The following TUBGCP3 variants were observed in gnomAD, a reference collection of about 807,000 sequenced individuals.
The protein encoded by TUBGCP3 is gamma-tubulin complex component 3.
A neutral mutation model predicts 123.1 loss-of-function variants in TUBGCP3; 50 were observed. The observed-to-expected ratio is 0.41, with a 90% confidence interval of 0.32 to 0.51. The LOEUF is 0.51. Ranked by LOEUF, TUBGCP3 falls within the 20% of genes least tolerant of loss-of-function variation. The probability of loss-of-function intolerance (pLI) is 0.36; values close to 1 mark genes in which losing one functional copy is unlikely to be tolerated. For missense variants in TUBGCP3, 882 were observed against 1,127.0 expected (o/e 0.78, Z 3.11); for synonymous variants, 405 against 413.9 (o/e 0.98, Z 0.26).
chr13:112,556,152 T>C lies in TUBGCP3; in HGVS notation c.621A>G (p.Leu207=), dbSNP rs774657679. The change falls in exon 6 of 22, where the codon TTA becomes TTG. Residue 207 remains leucine (L), a synonymous_variant. Transcript: ENST00000261965. The stretch of plus-strand genomic sequence containing the variant: ...CTTGTGAAGAAGGCTGATTTGCAGT[T>C]AAAGTCCATGCGAGTCGTGACCCCA... ...QQLGSRLAWT[L]TANQPSSQAT... 4 of 1,613,976 alleles carry C rather than the reference T, an allele frequency of 2.5e-6. No homozygotes were observed. The African/African-American group carries it at 5.3e-5, about 22-fold the overall frequency.
chr13:112,550,249 T>A (rs949697887), intron 8 of TUBGCP3, among the ~76,000 whole-genome samples: 41 of 150,976 alleles, frequency 2.7e-4, no homozygotes, highest in African/African-American at 3.7e-4. Context: ...ATCAAAAAAT[T>A]TTTTTTAATT....
intron 11 of TUBGCP3, among the ~76,000 whole-genome samples, chr13:112,537,131 T>C (rs1415511624): frequency 7.0e-6 from 1 of 142,562 alleles, no homozygotes; most frequent in Non-Finnish European, 1.5e-5. Flanking sequence ...TTTTTCCTTT[T>C]TTTTTTTTTT....
rs1566588539 is a variant in TUBGCP3, at chr13:112,572,582, G to C, written c.77-3323C>G. 2.6e-5 allele frequency among the ~76,000 whole-genome samples: 4 copies of C among 152,188 alleles called. No individual in the cohort carries two copies. In the East Asian group the frequency reaches 7.8e-4, roughly 30 times the overall value. On this transcript the variant is annotated intron_variant, in intron 1 of 21. Coordinates refer to ENST00000261965, the MANE Select transcript of TUBGCP3 (RefSeq NM_006322.6). ...GAGGTCACTGTAAGGCTATTAACTGGCCTAATTTCAATATTGTTGTGACTC... is the reference window on the plus strand; with the variant it reads ...GAGGTCACTGTAAGGCTATTAACTGCCCTAATTTCAATATTGTTGTGACTC...
the TUBGCP3 span, among the ~76,000 whole-genome samples, chr13:112,597,125 A>G: frequency 6.6e-6 from 1 of 152,228 alleles, no homozygotes; most frequent in South Asian, 2.1e-4. Context: ...AAAAACAAAA[A>G]TTGGAGTTTA....
At chr13:112,547,107 A>T (rs1257216116) in intron 10 of TUBGCP3, 6 of 244,812 alleles carry the variant, frequency 2.5e-5, no homozygotes, top group Non-Finnish European at 4.6e-5. Flanking sequence ...AGAGCCAGAG[A>T]GGCCAAAGCA....
chr13:112,602,173 G>A, the TUBGCP3 span, among the ~76,000 whole-genome samples: 4 of 152,262 alleles, frequency 2.6e-5, 1 homozygote, highest in East Asian at 3.9e-4. Context: ...GCAGTGCCTC[G>A]CATTCAGACA....
intron 21 of TUBGCP3, among the ~76,000 whole-genome samples, chr13:112,486,682 A>C: frequency 6.6e-6 from 1 of 152,204 alleles, no homozygotes; most frequent in African/African-American, 2.4e-5. Context: ...CCTGTTACTG[A>C]GGGCGTTTTT....
chr13:112,563,922 T>G (rs1412359885), intron 3 of TUBGCP3, among the ~76,000 whole-genome samples: 1 of 151,884 alleles, frequency 6.6e-6, no homozygotes, highest in East Asian at 1.9e-4. Context: ...ATGGCTAATA[T>G]TAACAAATAC....
At chr13:112,521,880 C>T in intron 14 of TUBGCP3, 1 of 984,172 alleles carries the variant, frequency 1.0e-6, no homozygotes, top group Non-Finnish European at 1.2e-6. Context: ...AGGGAAGATG[C>T]CATGAGAAAT....
intron 20 of TUBGCP3, among the ~76,000 whole-genome samples, chr13:112,492,541 C>A (rs7335796): frequency 1.3e-5 from 2 of 152,256 alleles, no homozygotes; most frequent in South Asian, 2.1e-4. Flanking sequence ...CCTCTCCCCC[C>A]AGAGGAGCCC....
chr13:112,580,622 A>AT, intron 1 of TUBGCP3, among the ~76,000 whole-genome samples: 2 of 152,336 alleles, frequency 1.3e-5, no homozygotes, highest in South Asian at 4.1e-4. Context: ...AACATGCAGG[A>AT]TTTTTTAAAA....
intron 2 of TUBGCP3, among the ~76,000 whole-genome samples, chr13:112,567,400 A>G (rs1445730630): frequency 6.6e-6 from 1 of 152,252 alleles, no homozygotes; most frequent in Non-Finnish European, 1.5e-5. Flanking sequence ...CCACGAGGCC[A>G]TGAAATGTAA....
intron 19 of TUBGCP3, among the ~76,000 whole-genome samples, chr13:112,503,464 G>A (rs1483667982): frequency 3.3e-5 from 5 of 152,104 alleles, no homozygotes; most frequent in African/African-American, 7.2e-5. Flanking sequence ...CTGCCACCCG[G>A]GTTGAAGTGA....
In TUBGCP3 at chr13:112,547,518, C is replaced by T. The variant is rs779748161; in HGVS notation, c.1168+102G>A. The T allele has an allele frequency of 6.7e-6, 9 of 1,340,022 alleles. No individual in the cohort carries two copies. In the South Asian group the frequency reaches 1.3e-4, roughly 20 times the overall value. The allele number at this position is 1,340,022 out of a possible 1,614,324, so 83.0% of individuals were successfully genotyped here. ...GAGTGCCAGACGCGCGTGGGAAAGA[C>T]GCGCGTGGGAAAGACGTGCATGGGA... On this transcript the variant is annotated intron_variant, in intron 10 of 21. Transcript: ENST00000261965.
In TUBGCP3 at chr13:112,557,142, G is replaced by A. The variant is rs1462060498; in HGVS notation, c.549-918C>T. On this transcript the variant is annotated intron_variant, in intron 5 of 21. Coordinates refer to ENST00000261965, the MANE Select transcript of TUBGCP3 (RefSeq NM_006322.6). Reference sequence around the variant, plus strand: ...CTGGGCATAGTTCTAAATTTAAGAGGATGATTCTAAAAGACTTTCAGTTCA... The same window carrying A: ...CTGGGCATAGTTCTAAATTTAAGAGAATGATTCTAAAAGACTTTCAGTTCA... Among the ~76,000 whole-genome samples, 4 of 152,266 alleles carry A rather than the reference G, an allele frequency of 2.6e-5. No individual in the cohort carries two copies. In the East Asian group the frequency reaches 5.8e-4, roughly 22 times the overall value.
chr13:112,585,979 C>T lies in TUBGCP3; in HGVS notation c.76+1926G>A, dbSNP rs1882580122. On this transcript the variant is annotated intron_variant, in intron 1 of 21. Transcript: ENST00000261965. ...TTTTGGCTGGGCGCGGTGGCTCACACCTCTAATCCCAGCACTTCGGGAGGC... is the reference window on the plus strand; with the variant it reads ...TTTTGGCTGGGCGCGGTGGCTCACATCTCTAATCCCAGCACTTCGGGAGGC... Among the ~76,000 whole-genome samples, 3 of 151,792 alleles carry T rather than the reference C, an allele frequency of 2.0e-5. No homozygotes were observed. The South Asian group carries it at 6.3e-4, about 32-fold the overall frequency.
In TUBGCP3 at chr13:112,499,365, C is replaced by T. The variant is rs182388328; in HGVS notation, c.2308-180G>A. Among the ~76,000 whole-genome samples, 47 of 152,356 alleles carry T rather than the reference C, an allele frequency of 3.1e-4. No homozygotes were observed. In the East Asian group the frequency reaches 7.7e-3, roughly 25 times the overall value. On this transcript the variant is annotated intron_variant, in intron 19 of 21. Transcript: ENST00000261965. ...TTTCCTGAACCCTCCTGCTGAGCAG[C>T]GCTGTGCTGGGCACCAGCAAAACGT...
intron 8 of TUBGCP3, among the ~76,000 whole-genome samples, chr13:112,550,831 G>A (rs1040901117): frequency 1.3e-5 from 2 of 152,194 alleles, no homozygotes; most frequent in Admixed American, 6.5e-5. Context: ...AGGTGCGGTG[G>A]CTCACGCCTG....
At chr13:112,521,326 C>T (rs757408184) in intron 14 of TUBGCP3, among the ~76,000 whole-genome samples, 5 of 152,208 alleles carry the variant, frequency 3.3e-5, no homozygotes, top group East Asian at 1.9e-4. Flanking sequence ...TGGCTGTGTA[C>T]GCCTCAAAAA....
Sources: gnomAD v4.1 joint callset for allele counts (sites outside exome capture counted in the v4.1 genomes callset) on GRCh38, gnomAD v4.1.1 for gene constraint, MANE v1.5 for transcripts, NCBI Gene and HGNC (gene_info 2026-07-23, HGNC 2026-07-21) for gene names.